The following COBL variants were observed in gnomAD, a reference collection of about 807,000 sequenced individuals.
COBL encodes protein cordon-bleu.
A neutral mutation model predicts 98.8 loss-of-function variants in COBL; 51 were observed. That is an observed-to-expected ratio of 0.52 (90% confidence interval 0.41 to 0.65). COBL has a LOEUF of 0.65. COBL is among the 30% of genes least tolerant of loss of function. The pLI is 0.00. For synonymous variants in COBL, 634 were observed against 651.7 expected (o/e 0.97, Z 0.41); for missense variants, 1,617 against 1,617.5 (o/e 1.00, Z 0.01).
intron 6 of COBL, among the ~76,000 whole-genome samples, chr7:51,110,359 T>G (rs1659742308): frequency 1.3e-5 from 2 of 152,144 alleles, no homozygotes; most frequent in Admixed American, 6.5e-5. Context: ...GAACCTGCAT[T>G]ATTTCTCCTT....
At position 51,185,481 on chromosome 7, in the gene COBL, C is replaced by T. The variant is rs530426931; in HGVS notation, c.686-1282G>A. 7.9e-5 allele frequency among the ~76,000 whole-genome samples: 12 copies of T among 152,306 alleles called. 1 individual carries two copies. The highest frequency in any genetic ancestry group is 2.6e-4 in the Admixed American group (4 of 15,304). On this transcript the variant is annotated intron_variant, in intron 4 of 12. Transcript: ENST00000265136. ...AGGTTGAGGGTGAGTGCATCAAGCA[C>T]GCAGACGGCACTCACACAGCTCAGC... is the stretch of plus-strand genomic sequence containing the variant.
At chr7:51,220,991 T>C (rs1300910087) in intron 1 of COBL, among the ~76,000 whole-genome samples, 1 of 152,218 alleles carries the variant, frequency 6.6e-6, no homozygotes, top group East Asian at 1.9e-4. Flanking sequence ...CCTGGTATTT[T>C]ATTGTCGTGG....
intron 6 of COBL, among the ~76,000 whole-genome samples, chr7:51,113,285 C>T (rs571047577): frequency 6.6e-6 from 1 of 152,240 alleles, no homozygotes; most frequent in Non-Finnish European, 1.5e-5. Context: ...AAAATACAAA[C>T]CACATAAATA....
At chr7:51,287,287 A>G (rs1800456491) in intron 1 of COBL, among the ~76,000 whole-genome samples, 1 of 152,260 alleles carries the variant, frequency 6.6e-6, no homozygotes, top group African/African-American at 2.4e-5. Context: ...ACAGAATAAG[A>G]AAACAAACAA....
chr7:51,232,540 G>A lies in COBL; in HGVS notation c.42-12596C>T, dbSNP rs111992161. ...AGAAATAACAATCAGGGCCAGGCAC[G>A]GTGGCTCACACCTGCAATCCCAGTA... On this transcript the variant is annotated intron_variant, in intron 1 of 12. Coordinates refer to ENST00000265136, the MANE Select transcript of COBL (RefSeq NM_015198.5). Among the ~76,000 whole-genome samples, 1,464 of 152,240 alleles carry A rather than the reference G, an allele frequency of 9.6e-3. 9 individuals carry two copies. The highest frequency in any genetic ancestry group is 0.027 in the Middle Eastern group (8 of 292).
At chr7:51,086,479 T>C (rs894951349) in intron 6 of COBL, among the ~76,000 whole-genome samples, 4 of 151,860 alleles carry the variant, frequency 2.6e-5, no homozygotes, top group African/African-American at 7.3e-5. Flanking sequence ...CTTCCTGGCC[T>C]TCCAAGGGCT....
rs184154287 is a variant in COBL, at chr7:51,128,304, G to T, written c.957+7854C>A. ...CAAGGATGCCAGGATGGCTGTGAGG[G>T]TTAGATCTAACAAGTCATGGGGAGA... On this transcript the variant is annotated intron_variant, in intron 6 of 12. Transcript: ENST00000265136. Among the ~76,000 whole-genome samples the T allele has an allele frequency of 1.9e-3, 289 of 152,312 alleles. 1 individual carries two copies. The highest frequency in any genetic ancestry group is 0.016 in the Admixed American group (242 of 15,308).
At chr7:51,286,564 C>T (rs1031603310) in intron 1 of COBL, among the ~76,000 whole-genome samples, 15 of 152,080 alleles carry the variant, frequency 9.9e-5, no homozygotes, top group Admixed American at 8.5e-4. Flanking sequence ...AATGAGATGC[C>T]ATCTCACACT....
Position 51,293,525 on chromosome 7 carries a change from G to A in COBL, c.41+23068C>T, listed in dbSNP as rs184726586. On this transcript the variant is annotated intron_variant, in intron 1 of 12. Coordinates refer to ENST00000265136, the MANE Select transcript of COBL (RefSeq NM_015198.5). ...AACAGATCAATGGTGGTTGAGGGGCGCAGGAGAGGGAGGAATGGATTGCAA... is the reference window on the plus strand; with the variant it reads ...AACAGATCAATGGTGGTTGAGGGGCACAGGAGAGGGAGGAATGGATTGCAA... Among the ~76,000 whole-genome samples the A allele has an allele frequency of 6.6e-5, 10 of 152,294 alleles. 1 individual carries two copies. Among genetic ancestry groups the A allele is most frequent in the South Asian group, 6.2e-4 (3 of 4,830 alleles).
intron 5 of COBL, among the ~76,000 whole-genome samples, chr7:51,144,745 T>C (rs902407258): frequency 6.6e-6 from 1 of 152,244 alleles, no homozygotes; most frequent in Non-Finnish European, 1.5e-5. Flanking sequence ...AGTTTGCTTT[T>C]AGACTCTATG....
intron 1 of COBL, among the ~76,000 whole-genome samples, chr7:51,303,862 G>C (rs573055394): frequency 6.6e-6 from 1 of 152,180 alleles, no homozygotes; most frequent in Non-Finnish European, 1.5e-5. Flanking sequence ...ACCCAATGCT[G>C]TTATTTTTCT....
chr7:51,054,595 C>T (rs1465345241), intron 7 of COBL, among the ~76,000 whole-genome samples: 2 of 152,168 alleles, frequency 1.3e-5, no homozygotes, highest in Non-Finnish European at 1.5e-5. Flanking sequence ...CTGTGGGCCC[C>T]GTTCCTCTCT....
intron 1 of COBL, among the ~76,000 whole-genome samples, chr7:51,221,697 G>C (rs1793655049): frequency 1.3e-5 from 2 of 152,150 alleles, no homozygotes; most frequent in Admixed American, 1.3e-4. Context: ...TTGGGTGATG[G>C]GTAGTATGAC....
chr7:51,308,931 G>T (rs917882342), intron 1 of COBL, among the ~76,000 whole-genome samples: 4 of 152,182 alleles, frequency 2.6e-5, no homozygotes, highest in Non-Finnish European at 5.9e-5. Context: ...TTAGATGTCT[G>T]GAAAGCATAG....
intron 7 of COBL, chr7:51,064,983 G>A (rs892625520): frequency 1.0e-5 from 6 of 601,348 alleles, no homozygotes. Context: ...GGAGAAACCA[G>A]GGACAATATG....
intron 1 of COBL, among the ~76,000 whole-genome samples, chr7:51,253,959 T>A (rs1044340345): frequency 1.3e-5 from 2 of 152,214 alleles, no homozygotes; most frequent in African/African-American, 4.8e-5. Flanking sequence ...TATAAAAACT[T>A]GTGTAGTTCA....
At chr7:51,244,498 GA>G (rs1796112667) in intron 1 of COBL, among the ~76,000 whole-genome samples, 1 of 152,182 alleles carries the variant, frequency 6.6e-6, no homozygotes, top group Admixed American at 6.5e-5. Flanking sequence ...CACAGATAGA[GA>G]GAGTTGTGTG....
At chr7:51,130,010 G>A (rs1308265925) in intron 6 of COBL, among the ~76,000 whole-genome samples, 2 of 152,190 alleles carry the variant, frequency 1.3e-5, no homozygotes, top group East Asian at 1.9e-4. Flanking sequence ...GCCCGGGAGT[G>A]CAGGTGGGAG....
At chr7:51,203,526 G>A (rs1479567618) in intron 2 of COBL, among the ~76,000 whole-genome samples, 1 of 144,382 alleles carries the variant, frequency 6.9e-6, no homozygotes, top group Non-Finnish European at 1.5e-5. Flanking sequence ...CTTAAAATCT[G>A]AAAGAGGAGC....
Sources: allele counts gnomAD v4.1 joint callset (sites outside exome capture counted in the v4.1 genomes callset), GRCh38; gene constraint gnomAD v4.1.1; transcripts MANE v1.5; gene names NCBI Gene and HGNC (gene_info 2026-07-23, HGNC 2026-07-21).